Variants in SLC12A7 observed in about 807,000 individuals in gnomAD.
SLC12A7 encodes the protein solute carrier family 12 member 7, also known as K-Cl cotransporter 4.
SLC12A7 carries 100 observed loss-of-function variants against 120.6 expected under a neutral mutation model. The ratio of observed to expected loss-of-function variants is 0.83; its 90% CI spans 0.71 to 0.98. The LOEUF (loss-of-function observed/expected upper bound fraction) is 0.98, where lower values mean the gene tolerates loss of function less well. Ranked by LOEUF, SLC12A7 falls within the 50% of genes least tolerant of loss-of-function variation. The probability of loss-of-function intolerance (pLI) is 0.00; values close to 1 mark genes in which losing one functional copy is unlikely to be tolerated. For synonymous variants in SLC12A7, 760 were observed against 678.0 expected, an observed-to-expected ratio of 1.12 and a Z score of -1.88; for missense variants, 1,373 against 1,548.1, an observed-to-expected ratio of 0.89 and a Z score of 1.90.
chr5:1,085,239 C>G lies in SLC12A7; in HGVS notation c.910G>C (p.Asp304His), dbSNP rs749853115. 1 of 1,611,448 alleles carries G rather than the reference C, an allele frequency of 6.2e-7. No individual in the cohort carries two copies. Among genetic ancestry groups the G allele is most frequent in the East Asian group, 2.2e-5 (1 of 44,826 alleles). ...AGAGGCCCCGAGACTCACGGGATGT[C>G]CGGGGGGTCGAAGGCAGACTTGATG... Reference protein sequence around the residue: ...GVIKSAFDPPDIPVCLLGNRT... With the variant: ...GVIKSAFDPPHIPVCLLGNRT... The change falls in exon 7 of 24, where the codon GAC becomes CAC. Residue 304 changes from aspartate (D) to histidine (H), a missense_variant. Physicochemically the swap from Asp to His is moderately conservative, Grantham distance 81 (BLOSUM62 -1). Transcript: ENST00000264930.
chr5:1,141,677 G>A, the SLC12A7 span, among the ~76,000 whole-genome samples: 3 of 152,180 alleles, frequency 2.0e-5, no homozygotes, highest in Admixed American at 6.5e-5. Context: ...GAAGAATCCA[G>A]GTCCTCAGCC....
intron 8 of SLC12A7, 97 bp from the exon 9 acceptor site, chr5:1,081,841 G>A (rs1016469553): frequency 4.1e-4 from 575 of 1,408,952 alleles, no homozygotes; most frequent in Non-Finnish European, 5.2e-4. Context: ...ACTGGTGGCC[G>A]GAGGGGAAGG....
chr5:1,064,425 G>A (rs1380464920), intron 18 of SLC12A7, among the ~76,000 whole-genome samples, 173 bp from the exon 19 acceptor site: 1 of 152,246 alleles, frequency 6.6e-6, no homozygotes, highest in Non-Finnish European at 1.5e-5. Flanking sequence ...ACTCACAGCA[G>A]AGTTCAGCTG....
At chr5:1,083,700 GC>G in intron 8 of SLC12A7, 44 bp downstream of exon 8, 1 of 1,590,430 alleles carries the variant, frequency 6.3e-7, no homozygotes. Flanking sequence ...AGCGCCTGCT[GC>G]CCCCGCCACC....
chr5:1,074,736 A>G, intron 15 of SLC12A7, 65 bp from the exon 16 acceptor site: 1 of 1,490,310 alleles, frequency 6.7e-7, no homozygotes, highest in Non-Finnish European at 9.2e-7. Flanking sequence ...CACCTGGGAA[A>G]GGGGACTTCT....
At chr5:1,112,238 T>G (rs1237477852), upstream of SLC12A7, among the ~76,000 whole-genome samples, 1 of 151,548 alleles carries the variant, frequency 6.6e-6, no homozygotes, top group African/African-American at 2.4e-5. Context: ...TTTCGCTGCC[T>G]GCGCTCCCGA....
In SLC12A7 at chr5:1,076,746, C is replaced by G; in HGVS notation, c.1696G>C (p.Glu566Gln). The G allele has an allele frequency of 6.2e-7, 1 of 1,611,666 alleles. No homozygotes were observed. Among genetic ancestry groups the G allele is most frequent in the South Asian group, 1.1e-5 (1 of 91,066 alleles). The change falls in exon 13 of 24, where the codon GAG (glutamate) becomes CAG (glutamine). Residue 566 changes from glutamate (E) to glutamine (Q), a missense_variant. Transcript: ENST00000264930. ...WALLLTVLIC[E>Q]TGILIASLDS... The stretch of plus-strand genomic sequence containing the variant: ...AGAGAGGCGATGAGGATGCCAGTCT[C>G]GCAGATGAGGACTGTCAGCAGCAGC...
the SLC12A7 span, among the ~76,000 whole-genome samples, chr5:1,118,460 A>G: frequency 4.6e-5 from 7 of 152,252 alleles, no homozygotes; most frequent in African/African-American, 1.7e-4. Flanking sequence ...ACCCGGCAGA[A>G]GAGTCTTCCT....
rs775617878 is a variant in SLC12A7 at position 1,065,395 on chromosome 5, G to A, written c.2325C>T (p.Ser775=). ...CCAGGCCGGCCGACTGGATCAGGTG[G>A]GACATGCCATCCCGCAGGCTGGACG... ...VVSSSLRDGM[S]HLIQSAGLGG... The change falls in exon 18 of 24, where the codon TCC becomes TCT. Residue 775 remains serine, a synonymous_variant. Coordinates refer to ENST00000264930, the MANE Select transcript of SLC12A7 (RefSeq NM_006598.3). 4 of 1,612,622 alleles carry A rather than the reference G, an allele frequency of 2.5e-6. No individual in the cohort carries two copies. The highest frequency in any genetic ancestry group is 3.4e-6 in the Non-Finnish European group (4 of 1,179,642).
intron 21 of SLC12A7, among the ~76,000 whole-genome samples, chr5:1,059,488 C>T (rs1387315241): frequency 1.3e-5 from 2 of 152,190 alleles, no homozygotes; most frequent in Non-Finnish European, 2.9e-5. Flanking sequence ...GTGTGTGATA[C>T]CAGCCTGGTG....
chr5:1,145,402 C>A, the SLC12A7 span, among the ~76,000 whole-genome samples: 1 of 152,288 alleles, frequency 6.6e-6, no homozygotes, highest in South Asian at 2.1e-4. This position sits in a 1 kb window ranked among gnomAD's most constrained non-coding sequence, Gnocchi z 4.4. Flanking sequence ...GAGTGCCCAG[C>A]GGGGTAATTG....
At chr5:1,130,208 A>G in the SLC12A7 span, among the ~76,000 whole-genome samples, 1 of 152,098 alleles carries the variant, frequency 6.6e-6, no homozygotes, top group Non-Finnish European at 1.5e-5. Flanking sequence ...ACCCTCCAGA[A>G]TCTTCCAGAA....
intron 7 of SLC12A7, among the ~76,000 whole-genome samples, chr5:1,084,555 C>T (rs114013202): frequency 0.03 from 4,510 of 152,308 alleles, 88 homozygotes; most frequent in Middle Eastern, 0.048. Context: ...TACACAGGGC[C>T]GTAGCGTCAA....
At chr5:1,143,114 G>T in the SLC12A7 span, among the ~76,000 whole-genome samples, 1 of 152,186 alleles carries the variant, frequency 6.6e-6, no homozygotes, top group Non-Finnish European at 1.5e-5. Flanking sequence ...TGGGCAACAT[G>T]CCCCTCCATC....
intron 1 of SLC12A7, among the ~76,000 whole-genome samples, chr5:1,109,291 G>A (rs1161108344): frequency 2.0e-5 from 3 of 152,064 alleles, no homozygotes; most frequent in Non-Finnish European, 2.9e-5. Context: ...TGTGGTCACG[G>A]AGGAAGGGTG....
intron 15 of SLC12A7, among the ~76,000 whole-genome samples, chr5:1,075,026 C>T (rs932071414): frequency 3.9e-5 from 6 of 152,164 alleles, no homozygotes; most frequent in East Asian, 1.9e-4. Context: ...CGGGGAAGGA[C>T]GCCTGTGGCT....
At chr5:1,080,771 G>A (rs748223541) in intron 9 of SLC12A7, among the ~76,000 whole-genome samples, 21 of 152,200 alleles carry the variant, frequency 1.4e-4, no homozygotes, top group East Asian at 5.8e-4. Flanking sequence ...CGAGGTCCCC[G>A]GCCTCTGAGC....
In SLC12A7 at chr5:1,092,541, A is replaced by G. The variant is rs562054996; in HGVS notation, c.342+992T>C. 7.9e-5 allele frequency among the ~76,000 whole-genome samples: 12 copies of G among 152,298 alleles called. 1 individual carries two copies. In the South Asian group the frequency reaches 2.5e-3, roughly 32 times the overall value. On this transcript the variant is annotated intron_variant, in intron 3 of 23. Coordinates refer to ENST00000264930, the MANE Select transcript of SLC12A7 (RefSeq NM_006598.3). ...ATGGTATTTTTAGAGTTAGAAAGTTAAGGAAAATAATAGGGGAATTTAAAA... is the reference window on the plus strand; with the variant it reads ...ATGGTATTTTTAGAGTTAGAAAGTTGAGGAAAATAATAGGGGAATTTAAAA...
At chr5:1,090,226 G>A (rs1561087209) in intron 3 of SLC12A7, among the ~76,000 whole-genome samples, 2 of 152,210 alleles carry the variant, frequency 1.3e-5, no homozygotes, top group African/African-American at 2.4e-5. Flanking sequence ...TCACCGTGCC[G>A]GAACGCCTCC....
Sources: gnomAD v4.1 joint callset for allele counts (sites outside exome capture counted in the v4.1 genomes callset) on GRCh38, gnomAD v4.1.1 for gene constraint, Gnocchi (gnomAD v3.1) non-coding constraint, MANE v1.5 for transcripts, NCBI Gene and HGNC (gene_info 2026-07-23, HGNC 2026-07-21) for gene names.